The following TNKS1BP1 variants were observed in gnomAD, a reference collection of about 807,000 sequenced individuals.
TNKS1BP1 encodes CCR4-NOT transcription complex subunit 12, also known as 182 kDa tankyrase-1-binding protein.
Under a neutral mutation model 141.1 loss-of-function variants are expected in TNKS1BP1, and 48 were observed. The ratio of observed to expected loss-of-function variants is 0.34; its 90% CI spans 0.27 to 0.43. The LOEUF is 0.43. Ranked by LOEUF, TNKS1BP1 falls within the 20% of genes least tolerant of loss-of-function variation. The probability of loss-of-function intolerance (pLI) is 1.00; values close to 1 mark genes in which losing one functional copy is unlikely to be tolerated. For synonymous variants in TNKS1BP1, 875 were observed against 898.2 expected, an observed-to-expected ratio of 0.97 and a Z score of 0.46; for missense variants, 2,149 against 2,226.0, an observed-to-expected ratio of 0.97 and a Z score of 0.70.
At position 57,310,238 on chromosome 11, in the gene TNKS1BP1, C is replaced by CTGG. The variant is rs1855684047; in HGVS notation, c.2472_2473insCCA (p.Val824_Val825insPro). 6.2e-7 allele frequency: 1 copy of CTGG among 1,614,074 alleles called. No homozygotes were observed. Among genetic ancestry groups the CTGG allele is most frequent in the South Asian group, 1.1e-5 (1 of 91,094 alleles). Reference sequence around the variant, plus strand: ...GTGCCAAGCTGGGCTGGCTTTCCAACTACCCGGTCCTGGGCTGTGAGCACC... The same window carrying CTGG: ...GTGCCAAGCTGGGCTGGCTTTCCAACTGGTACCCGGTCCTGGGCTGTGAGCACC... On this transcript the variant is annotated inframe_insertion, in exon 6 of 12. Transcript: ENST00000358252.
chr11:57,309,675 G>A lies in TNKS1BP1; in HGVS notation c.3036C>T (p.Gly1012=), dbSNP rs747495047. Residue 1012 remains glycine (G), a synonymous_variant, in exon 6 of 12, where the codon GGC becomes GGT. Coordinates refer to ENST00000358252, the MANE Select transcript of TNKS1BP1 (RefSeq NM_033396.3). This position sits in a 1 kb window ranked among gnomAD's most constrained non-coding sequence, Gnocchi z 4.3. ...IPSVEDSLGE[G]SRDAGRPGER... ...CTCCTGGCCGGCCAGCATCCCTGCT[G>A]CCCTCTCCAAGGCTGTCTTCCACAC... 8 of 1,614,194 alleles carry A rather than the reference G, an allele frequency of 5.0e-6. No individual in the cohort carries two copies. The highest frequency in any genetic ancestry group is 1.1e-5 in the South Asian group (1 of 91,082).
rs1855858998 is a variant in TNKS1BP1 at position 57,320,059 on chromosome 11, T to C, written c.728+20A>G. 7.8e-7 allele frequency: 1 copy of C among 1,276,998 alleles called. No homozygotes were observed. Among genetic ancestry groups the C allele is most frequent in the African/African-American group, 1.6e-5 (1 of 63,360 alleles). The allele number at this position is 1,276,998 out of a possible 1,614,324, so 79.1% of individuals were successfully genotyped here. ...CTGACCTCCAGGCTGCCACAAAATA[T>C]ACAACCTCCCACCCTTCACCTCTCC... On this transcript the variant is annotated intron_variant, in intron 3 of 11. Transcript: ENST00000358252.
rs754315996 is a variant in TNKS1BP1, at chr11:57,320,294, A to G, written c.513T>C (p.Pro171=). The G allele has an allele frequency of 1.2e-6, 2 of 1,614,114 alleles. No homozygotes were observed. Among genetic ancestry groups the G allele is most frequent in the Non-Finnish European group, 1.7e-6 (2 of 1,180,022 alleles). Residue 171 remains proline, a synonymous_variant, in exon 3 of 12, where the codon CCT becomes CCC. Coordinates refer to ENST00000358252, the MANE Select transcript of TNKS1BP1 (RefSeq NM_033396.3). The part of the protein sequence containing the change: ...VEEILAKMEQ[P]RKEVLASPDR... Reference sequence around the variant, plus strand: ...CGGGGCTGGCAAGGACCTCCTTCCGAGGCTGCTCCATCTTGGCCAGGATCT... The same window carrying G: ...CGGGGCTGGCAAGGACCTCCTTCCGGGGCTGCTCCATCTTGGCCAGGATCT...
At chr11:57,305,076 C>G (rs12808193) in intron 6 of TNKS1BP1, among the ~76,000 whole-genome samples, 5,397 of 152,090 alleles carry the variant, frequency 0.035, 148 homozygotes, top group Non-Finnish European at 0.047. Context: ...TTTCCTACCC[C>G]TAAGCACCCA....
At position 57,317,809 on chromosome 11, in the gene TNKS1BP1, A is replaced by G. The variant is rs1279102725; in HGVS notation, c.798+9T>C. The stretch of plus-strand genomic sequence containing the variant: ...CGTGATTCTGATTCATAACTGGAGG[A>G]TAACTCACATCAGCAGGTAGCTCCG... On this transcript the variant is annotated intron_variant, in intron 4 of 11. Transcript: ENST00000358252. 4 of 1,613,188 alleles carry G rather than the reference A, an allele frequency of 2.5e-6. No homozygotes were observed. The highest frequency in any genetic ancestry group is 3.4e-6 in the Non-Finnish European group (4 of 1,179,204).
In TNKS1BP1 at chr11:57,308,945, C is replaced by T. The variant is rs777911492; in HGVS notation, c.3766G>A (p.Gly1256Arg). Reference sequence around the variant, plus strand: ...TCCACACCTGACCAGTCAGTCTGCCCCACGCCACTCTCTCTGGCCTGGCTG... The same window carrying T: ...TCCACACCTGACCAGTCAGTCTGCCTCACGCCACTCTCTCTGGCCTGGCTG... ...GHSQARESGV[G>R]QTDWSGVEAG... Residue 1256 changes from glycine (G) to arginine (R), a missense_variant, in exon 6 of 12, where the codon GGG (glycine) becomes AGG (arginine). Transcript: ENST00000358252. The T allele has an allele frequency of 5.1e-5, 82 of 1,614,016 alleles. No individual in the cohort carries two copies. The highest frequency in any genetic ancestry group is 6.9e-5 in the Non-Finnish European group (81 of 1,180,038).
intron 9 of TNKS1BP1, among the ~76,000 whole-genome samples, chr11:57,301,412 C>G (rs1021298424): frequency 1.3e-5 from 2 of 152,114 alleles, no homozygotes; most frequent in Non-Finnish European, 2.9e-5. Context: ...GAGGCCTTCT[C>G]CAATCCACCC....
At chr11:57,311,210 AC>A (rs1855703126) in intron 5 of TNKS1BP1, 2 of 979,062 alleles carry the variant, frequency 2.0e-6, no homozygotes, top group African/African-American at 1.8e-5. Flanking sequence ...CTTGCACCCC[AC>A]CCCCCACCTC....
chr11:57,307,461 T>A (rs1199072569), intron 6 of TNKS1BP1, among the ~76,000 whole-genome samples: 1 of 151,910 alleles, frequency 6.6e-6, no homozygotes, highest in Non-Finnish European at 1.5e-5. Context: ...CTTCTCCTCC[T>A]CCATCCCAAA....
At chr11:57,324,792 A>T (rs1203921545) in intron 1 of TNKS1BP1, 48 bp downstream of exon 1, 2 of 965,284 alleles carry the variant, frequency 2.1e-6, no homozygotes, top group Middle Eastern at 5.3e-4. Flanking sequence ...CCCCCGCCCC[A>T]TCCCGGACCC....
rs978778299 is a variant in TNKS1BP1 at position 57,309,800 on chromosome 11, C to G, written c.2911G>C (p.Asp971His). The stretch of plus-strand genomic sequence containing the variant: ...GTTCCAAAGCTTCTGTCCTGGGCGT[C>G]AAGGGTCCTGGAGCTGCCACCACTG... Reference protein sequence around the residue: ...YSSGGSSRTLDAQDRSFGTRP... With the variant: ...YSSGGSSRTLHAQDRSFGTRP... Residue 971 changes from aspartate (D) to histidine (H), a missense_variant, in exon 6 of 12, where the codon GAC (aspartate) becomes CAC (histidine). Physicochemically the swap from Asp to His is moderately conservative, Grantham distance 81. Transcript: ENST00000358252. This position sits in a 1 kb window ranked among gnomAD's most constrained non-coding sequence, Gnocchi z 4.3. 13 of 1,614,220 alleles carry G rather than the reference C, an allele frequency of 8.1e-6. No individual in the cohort carries two copies. The highest frequency in any genetic ancestry group is 1.1e-5 in the Non-Finnish European group (13 of 1,180,034).
At position 57,320,422 on chromosome 11, in the gene TNKS1BP1, G is replaced by C. The variant is rs755842500; in HGVS notation, c.385C>G (p.Pro129Ala). Residue 129 changes from proline (P) to alanine (A), a missense_variant, in exon 3 of 12, where the codon CCT becomes GCT. Transcript: ENST00000358252. ...GCACATCGAGCTGGGGGTGTCAAAG[G>C]GGGTGGCTCCTCTTTCCCAGCCTCC... Reference protein sequence around the residue: ...KEEAGKEEPPPLTPPARCAAP... With the variant: ...KEEAGKEEPPALTPPARCAAP... The C allele has an allele frequency of 1.2e-5, 20 of 1,609,838 alleles. No individual in the cohort carries two copies. The South Asian group carries it at 1.8e-4, about 14-fold the overall frequency.
At position 57,300,956 on chromosome 11, in the gene TNKS1BP1, C is replaced by A. The variant is rs375731037; in HGVS notation, c.5057G>T (p.Arg1686Leu). Residue 1686 changes from arginine to leucine, a missense_variant, in exon 10 of 12, where the codon CGT becomes CTT. Coordinates refer to ENST00000358252, the MANE Select transcript of TNKS1BP1 (RefSeq NM_033396.3). ...KSSQKESAVQ[R>L]SKSCKVPGLG... ...TCCTGGGACCTTGCAGGATTTCGAA[C>A]GCTGGACCGCGGACTCCTTCTGGCT... is the stretch of plus-strand genomic sequence containing the variant. 7.4e-6 allele frequency: 12 copies of A among 1,614,000 alleles called. No homozygotes were observed.
chr11:57,314,529 G>A (rs567629661), intron 4 of TNKS1BP1, among the ~76,000 whole-genome samples: 1 of 152,324 alleles, frequency 6.6e-6, no homozygotes, highest in South Asian at 2.1e-4. Context: ...ACATATGGCA[G>A]ACACTTGGTC....
chr11:57,300,381 C>T (rs1855507310), intron 11 of TNKS1BP1, 147 bp downstream of exon 11: 3 of 691,592 alleles, frequency 4.3e-6, no homozygotes, highest in African/African-American at 1.8e-5. Context: ...AAGGGCCTAC[C>T]GAGTCTCTGG....
At chr11:57,311,944 G>A (rs1855718855) in intron 5 of TNKS1BP1, among the ~76,000 whole-genome samples, 1 of 152,236 alleles carries the variant, frequency 6.6e-6, no homozygotes, top group Non-Finnish European at 1.5e-5. Flanking sequence ...ACTATTCTTA[G>A]CACTTTAGAC....
At chr11:57,317,677 A>C (rs1162139054) in intron 4 of TNKS1BP1, 141 bp downstream of exon 4, 4 of 909,542 alleles carry the variant, frequency 4.4e-6, no homozygotes, top group African/African-American at 3.3e-5. Context: ...GAAAAATCCC[A>C]GGGCCAGCCC....
intron 6 of TNKS1BP1, among the ~76,000 whole-genome samples, chr11:57,305,954 C>A (rs368298925): frequency 6.6e-6 from 1 of 152,148 alleles, no homozygotes; most frequent in Non-Finnish European, 1.5e-5. Flanking sequence ...ACAAAGGGAA[C>A]CTCCAAAATT....
Position 57,312,551 on chromosome 11 carries a change from G to A in TNKS1BP1, c.2137C>T (p.Pro713Ser). The change falls in exon 5 of 12, where the codon CCA becomes TCA. Residue 713 changes from proline (P) to serine (S), a missense_variant. Physicochemically the swap from Pro to Ser is moderately conservative, Grantham distance 74. Transcript: ENST00000358252. ...ATTCTCACCTCAGAGCAGGTACTTG[G>A]GGACTGTGTGTCCTTCAGCTCAGCT... ...AGAELKDTQSPSTCSEGLLGW... is the reference protein window; with the variant it reads ...AGAELKDTQSSSTCSEGLLGW... 1.3e-6 allele frequency: 2 copies of A among 1,497,926 alleles called. No homozygotes were observed. Among genetic ancestry groups the A allele is most frequent in the Non-Finnish European group, 1.8e-6 (2 of 1,122,662 alleles). 92.8% of individuals were successfully genotyped at this position (1,497,926 alleles called of 1,614,324 possible).
Sources: gnomAD v4.1 joint callset for allele counts (sites outside exome capture counted in the v4.1 genomes callset) on GRCh38, gnomAD v4.1.1 for gene constraint, Gnocchi (gnomAD v3.1) non-coding constraint, MANE v1.5 for transcripts, NCBI Gene and HGNC (gene_info 2026-07-23, HGNC 2026-07-21) for gene names.